The following MPPED2 variants were observed in gnomAD, a reference collection of about 807,000 sequenced individuals.
MPPED2 encodes metallophosphoesterase domain containing 2, also known as metallophosphoesterase MPPED2.
In MPPED2, 5 loss-of-function variants were observed where a neutral mutation model predicts 33.0. The observed-to-expected ratio is 0.15, with a 90% CI of 0.08 to 0.32. MPPED2 has a LOEUF of 0.32. Ranked by LOEUF, MPPED2 falls within the 10% of genes least tolerant of loss-of-function variation. MPPED2 has a pLI of 1.00. For missense variants in MPPED2, 275 were observed against 372.1 expected (o/e 0.74, Z 2.15); for synonymous variants, 136 against 141.9 (o/e 0.96, Z 0.29).
chr11:30,460,611 A>G (rs1400231472), intron 4 of MPPED2, among the ~76,000 whole-genome samples: 3 of 152,228 alleles, frequency 2.0e-5, no homozygotes, highest in Admixed American at 2.0e-4. Flanking sequence ...CAACAGAGCA[A>G]GAGCTTGTCT....
At chr11:30,481,620 T>C (rs1415035027) in intron 4 of MPPED2, among the ~76,000 whole-genome samples, 3 of 152,024 alleles carry the variant, frequency 2.0e-5, no homozygotes, top group African/African-American at 4.8e-5. Context: ...AGCACTAGAA[T>C]ACAAATAAGC....
rs1948072679 is a variant in MPPED2, at chr11:30,410,752, T to C, written c.*716A>G. 2 of 984,128 alleles carry C rather than the reference T, an allele frequency of 2.0e-6. No individual in the cohort carries two copies. Among genetic ancestry groups the C allele is most frequent in the Admixed American group, 1.2e-4 (2 of 16,258 alleles). The allele number at this position is 984,128 out of a possible 1,614,324, so 61.0% of individuals were successfully genotyped here. ...TATTGAAAAGGAGTCTGCATGTTCA[T>C]TTTTTTAACCGTATGAAATACCTGC... On this transcript the variant is annotated 3_prime_UTR_variant, in exon 7 of 7. Coordinates refer to ENST00000358117, the MANE Select transcript of MPPED2 (RefSeq NM_001584.3).
intron 4 of MPPED2, among the ~76,000 whole-genome samples, chr11:30,431,717 G>A (rs1949085606): frequency 6.6e-6 from 1 of 151,966 alleles, no homozygotes; most frequent in Non-Finnish European, 1.5e-5. Flanking sequence ...CTTCTGTGTT[G>A]TTTTCTGTTT....
intron 3 of MPPED2, among the ~76,000 whole-genome samples, chr11:30,497,070 C>T (rs1338412636): frequency 1.3e-5 from 2 of 152,160 alleles, no homozygotes; most frequent in Non-Finnish European, 2.9e-5. Context: ...TACTAGCCCA[C>T]AGTGCTGTAT....
intron 2 of MPPED2, among the ~76,000 whole-genome samples, chr11:30,538,875 G>A (rs151086876): frequency 8.9e-4 from 135 of 152,244 alleles, no homozygotes; most frequent in African/African-American, 2.9e-3. Flanking sequence ...TGACCCAGAG[G>A]CACTGAGAAT....
chr11:30,526,957 T>TGCAGTG (rs998850967), intron 3 of MPPED2, among the ~76,000 whole-genome samples: 5 of 151,542 alleles, frequency 3.3e-5, no homozygotes, highest in African/African-American at 9.7e-5. Context: ...CAGGCTACAG[T>TGCAGTG]GCAGTGGCCC....
At chr11:30,433,037 C>T (rs969998966) in intron 4 of MPPED2, among the ~76,000 whole-genome samples, 10 of 152,156 alleles carry the variant, frequency 6.6e-5, no homozygotes, top group Admixed American at 2.0e-4. Context: ...ATCTCCAGTT[C>T]GGTGATGGCT....
chr11:30,528,412 C>T (rs914016579), intron 3 of MPPED2, among the ~76,000 whole-genome samples: 3 of 152,078 alleles, frequency 2.0e-5, no homozygotes, highest in Admixed American at 1.3e-4. Flanking sequence ...CACACCACCA[C>T]ACCTGACTAA....
At chr11:30,407,054 A>C (rs929713865), downstream of MPPED2, among the ~76,000 whole-genome samples, 1 of 152,232 alleles carries the variant, frequency 6.6e-6, no homozygotes, top group African/African-American at 2.4e-5. Context: ...TGCAATTGAC[A>C]AATCCCAAAT....
chr11:30,578,089 T>C (rs1247390977), intron 2 of MPPED2, among the ~76,000 whole-genome samples: 1 of 152,132 alleles, frequency 6.6e-6, no homozygotes, highest in East Asian at 1.9e-4. Context: ...GCCAAGTAAC[T>C]TGGGCAGGCA....
intron 2 of MPPED2, among the ~76,000 whole-genome samples, chr11:30,571,826 A>T (rs1336559130): frequency 1.3e-5 from 2 of 152,176 alleles, no homozygotes; most frequent in African/African-American, 4.8e-5. Context: ...TCATCTTCAT[A>T]AGCTTTGAAA....
intron 2 of MPPED2, among the ~76,000 whole-genome samples, chr11:30,541,468 A>G (rs1033011907): frequency 2.6e-5 from 4 of 152,196 alleles, no homozygotes; most frequent in African/African-American, 9.6e-5. Context: ...TTGTGTATAC[A>G]ATCAACCTAT....
At chr11:30,387,570 G>A (rs527722054) in exon 7 of MPPED2, 2 of 152,160 alleles carry the variant, frequency 1.3e-5, no homozygotes, top group African/African-American at 4.8e-5. Flanking sequence ...AAAAGGAACG[G>A]AGCAATGGGA....
chr11:30,417,677 C>T (rs748936233), intron 4 of MPPED2, 44 bp from the exon 5 acceptor site: 13 of 1,083,662 alleles, frequency 1.2e-5, no homozygotes, highest in Admixed American at 1.7e-5. Flanking sequence ...AGCAGAGCCA[C>T]GGCTCCGCTC....
chr11:30,536,242 A>G (rs1005179991), intron 2 of MPPED2, 67 bp from the exon 3 acceptor site: 8 of 1,323,962 alleles, frequency 6.0e-6, no homozygotes, highest in Middle Eastern at 2.7e-4. Flanking sequence ...GTCGTCGCAC[A>G]TACATATTTA....
chr11:30,568,728 C>A (rs1001458676), intron 2 of MPPED2, among the ~76,000 whole-genome samples: 1 of 152,134 alleles, frequency 6.6e-6, no homozygotes, highest in Non-Finnish European at 1.5e-5. Context: ...AAAAGCAAAA[C>A]CCCTTATTTA....
At chr11:30,531,991 G>T (rs118189543) in intron 3 of MPPED2, among the ~76,000 whole-genome samples, 6 of 152,240 alleles carry the variant, frequency 3.9e-5, no homozygotes, top group African/African-American at 1.2e-4. Flanking sequence ...TCTGATGGAC[G>T]TAAGTCCAAA....
intron 3 of MPPED2, among the ~76,000 whole-genome samples, chr11:30,512,368 T>A (rs1333114606): frequency 6.6e-6 from 1 of 152,168 alleles, no homozygotes; most frequent in Non-Finnish European, 1.5e-5. Flanking sequence ...TGGCACCTAA[T>A]GTGTCTTGGC....
chr11:30,565,033 CA>C (rs757640349), intron 2 of MPPED2, among the ~76,000 whole-genome samples: 2 of 152,044 alleles, frequency 1.3e-5, no homozygotes, highest in Non-Finnish European at 2.9e-5. Flanking sequence ...AATAAATTTC[CA>C]AAATGTAGGA....
Sources: gnomAD v4.1 joint callset for allele counts (sites outside exome capture counted in the v4.1 genomes callset) on GRCh38, gnomAD v4.1.1 for gene constraint, MANE v1.5 for transcripts, NCBI Gene and HGNC (gene_info 2026-07-23, HGNC 2026-07-21) for gene names.